The following BOD1 variants were observed in gnomAD, a reference collection of about 807,000 sequenced individuals.
BOD1 encodes biorientation of chromosomes in cell division protein 1.
Under a neutral mutation model 15.7 loss-of-function variants are expected in BOD1, and 11 were observed. The observed-to-expected ratio is 0.70, with a 90% CI of 0.44 to 1.16. BOD1 has a LOEUF of 1.16. BOD1 is among the 50% of genes most tolerant of loss of function. The pLI is 0.00. For synonymous variants in BOD1, 105 were observed against 103.5 expected, an observed-to-expected ratio of 1.01 and a Z score of -0.09; for missense variants, 182 against 244.5, an observed-to-expected ratio of 0.74 and a Z score of 1.70.
At chr5:173,610,180 T>C (rs144116420) in intron 2 of BOD1, among the ~76,000 whole-genome samples, 123 of 152,296 alleles carry the variant, frequency 8.1e-4, no homozygotes, top group African/African-American at 2.9e-3. Context: ...GTCTGGAAAA[T>C]AGCCCGTAAG....
chr5:173,611,386 G>A (rs879623373), intron 2 of BOD1, among the ~76,000 whole-genome samples: 4 of 152,230 alleles, frequency 2.6e-5, no homozygotes, highest in Non-Finnish European at 4.4e-5. Flanking sequence ...GCACCTGGGG[G>A]CAAGCAGAAA....
intron 2 of BOD1, among the ~76,000 whole-genome samples, chr5:173,611,943 C>A (rs1755365584): frequency 6.6e-6 from 1 of 152,218 alleles, no homozygotes; most frequent in African/African-American, 2.4e-5. Flanking sequence ...GTGAAACAGG[C>A]TTTTCATGAG....
chr5:173,614,573 T>G (rs1270118455), intron 1 of BOD1: 3 of 152,254 alleles, frequency 2.0e-5, no homozygotes, highest in East Asian at 3.8e-4. Flanking sequence ...AAAATGTGCA[T>G]TTCTAACAAG....
At chr5:173,610,526 G>C (rs1480853421) in intron 2 of BOD1, among the ~76,000 whole-genome samples, 1 of 152,168 alleles carries the variant, frequency 6.6e-6, no homozygotes, top group Non-Finnish European at 1.5e-5. Flanking sequence ...AGCACTGAAG[G>C]GCACATTTTC....
At position 173,616,562 on chromosome 5, in the gene BOD1, G is replaced by A; in HGVS notation, c.-126C>T. On this transcript the variant is annotated 5_prime_UTR_variant, in exon 1 of 4. Coordinates refer to ENST00000311086, the MANE Select transcript of BOD1 (RefSeq NM_138369.3). Reference sequence around the variant, plus strand: ...GGGCCCCAAGGCGGCAGCGGCGGAGGTGGCGATGGCGGCAGGGGCGGTGGT... The same window carrying A: ...GGGCCCCAAGGCGGCAGCGGCGGAGATGGCGATGGCGGCAGGGGCGGTGGT... The A allele has an allele frequency of 1.4e-6, 2 of 1,386,866 alleles. No homozygotes were observed. Among genetic ancestry groups the A allele is most frequent in the Non-Finnish European group, 1.9e-6 (2 of 1,077,282 alleles). The allele number at this position is 1,386,866 out of a possible 1,614,324, so 85.9% of individuals were successfully genotyped here. A position where few individuals can be genotyped will look rare whatever the true frequency, so the allele number is the denominator to read the frequency against.
chr5:173,615,311 G>A (rs978905087), intron 1 of BOD1, among the ~76,000 whole-genome samples: 1 of 152,214 alleles, frequency 6.6e-6, no homozygotes, highest in East Asian at 1.9e-4. Flanking sequence ...GCAACTAGAG[G>A]CCAATAAACG....
chr5:173,612,828 T>C (rs540574136), intron 2 of BOD1, among the ~76,000 whole-genome samples: 321 of 152,262 alleles, frequency 2.1e-3, no homozygotes, highest in African/African-American at 7.3e-3. Context: ...AAAACTCACA[T>C]ATATGTTTGG....
At chr5:173,610,856 G>T (rs754306837) in intron 2 of BOD1, among the ~76,000 whole-genome samples, 2 of 152,152 alleles carry the variant, frequency 1.3e-5, no homozygotes, top group Non-Finnish European at 2.9e-5. Context: ...CTCCGCGAAT[G>T]CAATTTATGC....
At chr5:173,613,752 C>T (rs1755417361) in intron 1 of BOD1, among the ~76,000 whole-genome samples, 2 of 152,234 alleles carry the variant, frequency 1.3e-5, no homozygotes, top group South Asian at 4.1e-4. Flanking sequence ...CCATGACTGG[C>T]CTCTTCCAAA....
In BOD1 at chr5:173,613,085, C is replaced by A. The variant is rs200590597; in HGVS notation, c.362+46G>T. On this transcript the variant is annotated intron_variant, in intron 2 of 3. Transcript: ENST00000311086. ...GACCTCAACCTTCTTGTGCATCACACTTGTGATGACTGCCTTTTCAAAAGC... is the reference window on the plus strand; with the variant it reads ...GACCTCAACCTTCTTGTGCATCACAATTGTGATGACTGCCTTTTCAAAAGC... 33 of 1,605,916 alleles carry A rather than the reference C, an allele frequency of 2.1e-5. No homozygotes were observed. The East Asian group carries it at 5.6e-4, about 27-fold the overall frequency.
chr5:173,611,494 T>G (rs1439059922), intron 2 of BOD1, among the ~76,000 whole-genome samples: 1 of 152,058 alleles, frequency 6.6e-6, no homozygotes, highest in Non-Finnish European at 1.5e-5. Context: ...GTTCATGTTT[T>G]CAGGTTAAAC....
chr5:173,615,043 A>G (rs1224150469), intron 1 of BOD1, among the ~76,000 whole-genome samples: 2 of 152,250 alleles, frequency 1.3e-5, no homozygotes, highest in Non-Finnish European at 2.9e-5. Context: ...ACGGAATATA[A>G]GAAATATGAA....
chr5:173,615,163 T>G (rs756403657), intron 1 of BOD1, among the ~76,000 whole-genome samples: 4 of 152,374 alleles, frequency 2.6e-5, no homozygotes, highest in Non-Finnish European at 5.9e-5. Context: ...CTTTTCATCT[T>G]GGAGAAGGAA....
chr5:173,609,166 C>T (rs1278605921), intron 3 of BOD1, 72 bp downstream of exon 3: 2 of 1,424,384 alleles, frequency 1.4e-6, no homozygotes, highest in Non-Finnish European at 1.9e-6. Context: ...TACGGCCTAC[C>T]CCATTCCTAT....
At chr5:173,609,748 G>A (rs1195313618) in intron 2 of BOD1, 2 of 287,216 alleles carry the variant, frequency 7.0e-6, no homozygotes, top group Non-Finnish European at 1.3e-5. Context: ...GTGAGAAAGA[G>A]TTTGACACGT....
chr5:173,612,623 T>C (rs1755384760), intron 2 of BOD1, among the ~76,000 whole-genome samples: 1 of 152,232 alleles, frequency 6.6e-6, no homozygotes, highest in Non-Finnish European at 1.5e-5. Flanking sequence ...AATAGCACCT[T>C]TATTAACTAA....
rs777007753 is a variant in BOD1, at chr5:173,607,992, A to G, written c.*302T>C. On this transcript the variant is annotated 3_prime_UTR_variant, in exon 4 of 4. Coordinates refer to ENST00000311086, the MANE Select transcript of BOD1 (RefSeq NM_138369.3). The stretch of plus-strand genomic sequence containing the variant: ...AGTCCATGTGCAGTCTCCATGTTCA[A>G]GTATAAAAGTCTGTTTCAGGACAAC... 4 of 437,336 alleles carry G rather than the reference A, an allele frequency of 9.1e-6. No homozygotes were observed. The highest frequency in any genetic ancestry group is 1.6e-5 in the Non-Finnish European group (4 of 242,854). The allele number at this position is 437,336 out of a possible 1,614,324, so 27.1% of individuals were successfully genotyped here.
chr5:173,616,012 T>C (rs1283353234), intron 1 of BOD1, among the ~76,000 whole-genome samples, 188 bp downstream of exon 1: 2 of 152,158 alleles, frequency 1.3e-5, no homozygotes, highest in African/African-American at 4.8e-5. Context: ...TAGTAGTAAA[T>C]GTATCAGGCA....
At position 173,616,569 on chromosome 5, in the gene BOD1, T is replaced by C; in HGVS notation, c.-133A>G. 7.3e-7 allele frequency: 1 copy of C among 1,376,646 alleles called. No homozygotes were observed. The highest frequency in any genetic ancestry group is 3.1e-5 in the East Asian group (1 of 32,232). 85.3% of individuals were successfully genotyped at this position (1,376,646 alleles called of 1,614,324 possible). On this transcript the variant is annotated 5_prime_UTR_variant, in exon 1 of 4. Transcript: ENST00000311086. ...AAGGCGGCAGCGGCGGAGGTGGCGA[T>C]GGCGGCAGGGGCGGTGGTGGGGGCG...
Sources: gnomAD v4.1 joint callset for allele counts (sites outside exome capture counted in the v4.1 genomes callset) on GRCh38, gnomAD v4.1.1 for gene constraint, MANE v1.5 for transcripts, NCBI Gene and HGNC (gene_info 2026-07-23, HGNC 2026-07-21) for gene names.